The following INPP4B variants were observed in gnomAD, a reference collection of about 807,000 sequenced individuals.
INPP4B encodes the protein inositol polyphosphate 4-phosphatase type II.
Under a neutral mutation model 122.5 loss-of-function variants are expected in INPP4B, and 55 were observed. The observed-to-expected ratio is 0.45, with a 90% CI of 0.36 to 0.56. The LOEUF (loss-of-function observed/expected upper bound fraction) is 0.56. Among genes scored for constraint, INPP4B ranks in the 20% least tolerant of loss-of-function variants. INPP4B has a pLI of 0.00. For missense variants in INPP4B, 1,000 were observed against 1,097.7 expected, an observed-to-expected ratio of 0.91 and a Z score of 1.26; for synonymous variants, 403 against 388.7, an observed-to-expected ratio of 1.04 and a Z score of -0.43.
intron 2 of INPP4B, among the ~76,000 whole-genome samples, chr4:142,513,355 A>G (rs1013227920): frequency 6.6e-6 from 1 of 152,028 alleles, no homozygotes; most frequent in Non-Finnish European, 1.5e-5. Context: ...GTGTCTGGTA[A>G]ACTGTGGCTG....
intron 3 of INPP4B, among the ~76,000 whole-genome samples, chr4:142,451,792 G>T (rs1460416271): frequency 1.3e-5 from 2 of 152,150 alleles, no homozygotes; most frequent in Non-Finnish European, 2.9e-5. Context: ...GACCTCAGCT[G>T]AACAAACAGA....
chr4:142,301,902 T>C (rs910087321), intron 9 of INPP4B, among the ~76,000 whole-genome samples: 5 of 152,196 alleles, frequency 3.3e-5, no homozygotes, highest in East Asian at 3.8e-4. Context: ...AAGATCAATA[T>C]AATTTTTTTT....
At chr4:142,311,513 C>A (rs1765503165) in intron 8 of INPP4B, among the ~76,000 whole-genome samples, 1 of 152,018 alleles carries the variant, frequency 6.6e-6, no homozygotes, top group East Asian at 1.9e-4. Context: ...TTGATTTATT[C>A]AATACATAGT....
intron 3 of INPP4B, among the ~76,000 whole-genome samples, chr4:142,458,360 C>T (rs900326296): frequency 2.0e-5 from 3 of 151,744 alleles, no homozygotes; most frequent in Non-Finnish European, 2.9e-5. Context: ...GTGGTGGCTG[C>T]GCAAATGTGT....
intron 1 of INPP4B, among the ~76,000 whole-genome samples, chr4:142,839,958 A>G (rs1783281116): frequency 6.6e-6 from 1 of 152,224 alleles, no homozygotes. Flanking sequence ...GGACATTCCA[A>G]CCAGACACTT....
chr4:142,252,419 A>G (rs915166494), intron 11 of INPP4B, among the ~76,000 whole-genome samples: 13 of 151,852 alleles, frequency 8.6e-5, no homozygotes, highest in African/African-American at 3.1e-4. Context: ...CGATCTCCTG[A>G]CCTCGTGATC....
chr4:142,498,515 G>A (rs908247016), intron 2 of INPP4B, among the ~76,000 whole-genome samples: 9 of 152,180 alleles, frequency 5.9e-5, no homozygotes, highest in African/African-American at 2.2e-4. Context: ...TAGGCCAGGT[G>A]TGGTGGCTCA....
At chr4:142,717,567 A>G (rs1293487471) in intron 2 of INPP4B, among the ~76,000 whole-genome samples, 4 of 152,198 alleles carry the variant, frequency 2.6e-5, no homozygotes, top group African/African-American at 9.7e-5. Context: ...GCCATAAAAA[A>G]GGATTAGTTC....
chr4:142,119,789 GTA>G lies in INPP4B; in HGVS notation c.2135+2337_2135+2338del, dbSNP rs769777692. Among the ~76,000 whole-genome samples, 139 of 22,794 alleles carry G rather than the reference GTA, an allele frequency of 6.1e-3. 1 individual carries two copies. In the South Asian group the frequency reaches 0.096, roughly 16 times the overall value. 15.0% of individuals were successfully genotyped at this position (22,794 alleles called of 152,430 possible). A position where few individuals can be genotyped will look rare whatever the true frequency, so the allele number is the denominator to read the frequency against. ...GTGCACATGTAGCCTAGAACTTAAA[GTA>G]TATATACACACACACACACACACAC... On this transcript the variant is annotated intron_variant, in intron 21 of 25. Coordinates refer to ENST00000262992, the MANE Select transcript of INPP4B (RefSeq NM_001101669.3).
intron 2 of INPP4B, among the ~76,000 whole-genome samples, chr4:142,664,780 AAATT>A (rs1337495273): frequency 1.3e-5 from 2 of 152,344 alleles, no homozygotes; most frequent in East Asian, 3.9e-4. Flanking sequence ...CTAAAGTAAG[AAATT>A]AAATTTTGCT....
intron 2 of INPP4B, among the ~76,000 whole-genome samples, chr4:142,626,323 A>C (rs1746385803): frequency 6.6e-6 from 1 of 152,026 alleles, no homozygotes; most frequent in Admixed American, 6.6e-5. Flanking sequence ...GGCCTGACAC[A>C]ATCAGGTAAA....
At position 142,180,550 on chromosome 4, in the gene INPP4B, T is replaced by A. The variant is rs73850810; in HGVS notation, c.1182-6741A>T. On this transcript the variant is annotated intron_variant, in intron 15 of 25. Transcript: ENST00000262992. ...GTTTTTCAGGGATTATATTATTTAA[T>A]TTTGACAACAACCCTCTGAGGAACA... is the stretch of plus-strand genomic sequence containing the variant. Among the ~76,000 whole-genome samples, 418 of 152,258 alleles carry A rather than the reference T, an allele frequency of 2.7e-3. 4 individuals carry two copies. Among genetic ancestry groups the A allele is most frequent in the African/African-American group, 9.8e-3 (409 of 41,542 alleles).
In INPP4B at chr4:142,785,933, GA is replaced by G. The variant is rs566320586; in HGVS notation, c.-253-60033del. Among the ~76,000 whole-genome samples the G allele has an allele frequency of 4.5e-3, 685 of 152,166 alleles. 2 individuals carry two copies. The highest frequency in any genetic ancestry group is 7.1e-3 in the Non-Finnish European group (485 of 67,994). On this transcript the variant is annotated intron_variant, in intron 1 of 25. Transcript: ENST00000262992. ...GGAAGAAGCCAGGGGGGTTGGAGGGGACACCTTGCATTTAGAGAAATAAGGA... is the reference window on the plus strand; with the variant it reads ...GGAAGAAGCCAGGGGGGTTGGAGGGGCACCTTGCATTTAGAGAAATAAGGA...
chr4:142,533,720 T>C (rs1252288677), intron 2 of INPP4B, among the ~76,000 whole-genome samples: 4 of 152,052 alleles, frequency 2.6e-5, no homozygotes, highest in Non-Finnish European at 4.4e-5. Context: ...CTTAAGCAAA[T>C]AAAGAAACAT....
At chr4:142,641,955 C>G (rs904373325) in intron 2 of INPP4B, among the ~76,000 whole-genome samples, 2 of 152,162 alleles carry the variant, frequency 1.3e-5, no homozygotes, top group African/African-American at 2.4e-5. Context: ...TTAATGATTG[C>G]CATTCTAACT....
At chr4:142,735,599 T>G (rs764790514) in intron 1 of INPP4B, among the ~76,000 whole-genome samples, 2 of 152,150 alleles carry the variant, frequency 1.3e-5, no homozygotes, top group Non-Finnish European at 2.9e-5. Context: ...AAAGTAAGAT[T>G]TGAAGGCAGG....
intron 1 of INPP4B, among the ~76,000 whole-genome samples, chr4:142,735,474 T>G (rs1177997751): frequency 6.6e-6 from 1 of 152,238 alleles, no homozygotes; most frequent in Non-Finnish European, 1.5e-5. Flanking sequence ...CTGTCTTGCA[T>G]ATTAAATACT....
chr4:142,079,250 G>A (rs1772518858), intron 25 of INPP4B, among the ~76,000 whole-genome samples: 1 of 151,974 alleles, frequency 6.6e-6, no homozygotes. Flanking sequence ...CACCTGAATA[G>A]TGTACATTAT....
At chr4:142,419,585 C>T (rs1273033155) in intron 5 of INPP4B, among the ~76,000 whole-genome samples, 1 of 152,108 alleles carries the variant, frequency 6.6e-6, no homozygotes, top group Non-Finnish European at 1.5e-5. Flanking sequence ...GTCACTTAAC[C>T]ACTCAAAGAT....
Sources: gnomAD v4.1 joint callset for allele counts (sites outside exome capture counted in the v4.1 genomes callset) on GRCh38, gnomAD v4.1.1 for gene constraint, MANE v1.5 for transcripts, NCBI Gene and HGNC (gene_info 2026-07-23, HGNC 2026-07-21) for gene names.